Variants in UBXN7 observed in about 807,000 individuals in gnomAD.
UBXN7 encodes the protein UBX domain-containing protein 7.
In UBXN7, 9 loss-of-function variants were observed where a neutral mutation model predicts 58.0. That is an observed-to-expected ratio of 0.16 (90% CI 0.09 to 0.27). The LOEUF (loss-of-function observed/expected upper bound fraction) is 0.27, where lower values mean the gene tolerates loss of function less well. UBXN7 is among the 10% of genes least tolerant of loss of function. UBXN7 has a pLI of 1.00. For synonymous variants in UBXN7, 208 were observed against 205.0 expected (o/e 1.01, Z -0.12); for missense variants, 328 against 599.6 (o/e 0.55, Z 4.73).
chr3:196,365,124 C>G (rs555565485), intron 8 of UBXN7, among the ~76,000 whole-genome samples: 40 of 151,764 alleles, frequency 2.6e-4, no homozygotes, highest in African/African-American at 8.7e-4. Context: ...ATTCATTTTA[C>G]TAATTTCTCT....
intron 5 of UBXN7, among the ~76,000 whole-genome samples, chr3:196,374,385 T>G (rs1183877688): frequency 5.9e-5 from 9 of 152,152 alleles, no homozygotes; most frequent in Admixed American, 6.6e-5. Flanking sequence ...CAGTTATAGA[T>G]ATTAAAGTAA....
At chr3:196,382,238 G>A (rs1260970839) in intron 5 of UBXN7, among the ~76,000 whole-genome samples, 1 of 152,182 alleles carries the variant, frequency 6.6e-6, no homozygotes, top group Non-Finnish European at 1.5e-5. Context: ...GGCAGCCAGA[G>A]AGAAAGGTCA....
chr3:196,413,105 C>T lies in UBXN7; in HGVS notation c.74-5712G>A, dbSNP rs376291749. On this transcript the variant is annotated intron_variant, in intron 1 of 10. Coordinates refer to ENST00000296328, the MANE Select transcript of UBXN7 (RefSeq NM_015562.2). The stretch of plus-strand genomic sequence containing the variant: ...GGCTGTAATTCAGCACTTTGGGAGG[C>T]CGACGTGGGCGGATCACTTGAGGTC... Among the ~76,000 whole-genome samples, 43 of 152,178 alleles carry T rather than the reference C, an allele frequency of 2.8e-4. 1 individual carries two copies. The South Asian group carries it at 8.7e-3, about 31-fold the overall frequency.
rs1728513435 is a variant in UBXN7, at chr3:196,361,852, T to C, written c.1300A>G (p.Lys434Glu). The C allele has an allele frequency of 6.2e-7, 1 of 1,613,782 alleles. No individual in the cohort carries two copies. ...REQITLPEQAKLLALVKHVQS... is the reference protein window; with the variant it reads ...REQITLPEQAELLALVKHVQS... ...AGCAAGCCTGTACTTACTAGCAGTTTAGCTTGCTCTGGAAGAGTGATCTGT... is the reference window on the plus strand; with the variant it reads ...AGCAAGCCTGTACTTACTAGCAGTTCAGCTTGCTCTGGAAGAGTGATCTGT... The change falls in exon 10 of 11, where the codon AAA becomes GAA. Residue 434 changes from lysine to glutamate, a missense_variant. Around this residue, in one of 4 missense-constraint regions of UBXN7, gnomAD observed 30 missense variants for 94.8 expected, o/e 0.32. Transcript: ENST00000296328.
intron 10 of UBXN7, among the ~76,000 whole-genome samples, chr3:196,360,219 G>A (rs560567426): frequency 6.6e-6 from 1 of 152,220 alleles, no homozygotes; most frequent in African/African-American, 2.4e-5. Context: ...TCTAGAAGAT[G>A]TAGTGAAGAC....
At chr3:196,399,861 T>C (rs367910790) in intron 3 of UBXN7, 5 of 151,702 alleles carry the variant, frequency 3.3e-5, no homozygotes, top group African/African-American at 1.2e-4. Context: ...TGACTCATCA[T>C]TGTTTCTGAA....
chr3:196,415,256 T>C (rs1161809447), intron 1 of UBXN7, among the ~76,000 whole-genome samples: 5 of 150,580 alleles, frequency 3.3e-5, no homozygotes, highest in African/African-American at 4.9e-5. Context: ...TGGGTTCAAG[T>C]GATTCTCCCG....
At chr3:196,397,939 T>C (rs1166493497) in intron 3 of UBXN7, among the ~76,000 whole-genome samples, 1 of 152,236 alleles carries the variant, frequency 6.6e-6, no homozygotes, top group Non-Finnish European at 1.5e-5. Context: ...CACTGTACTA[T>C]GTGGTAGGCA....
chr3:196,389,338 C>T (rs898362939), intron 5 of UBXN7, among the ~76,000 whole-genome samples: 1 of 152,210 alleles, frequency 6.6e-6, no homozygotes, highest in Non-Finnish European at 1.5e-5. Context: ...GCAATAATTT[C>T]TTCAACTCTA....
intron 7 of UBXN7, among the ~76,000 whole-genome samples, chr3:196,368,464 G>T (rs1728729643): frequency 1.3e-5 from 2 of 152,088 alleles, no homozygotes; most frequent in Non-Finnish European, 2.9e-5. Context: ...TAAAAACCAG[G>T]ATCTGTAAAT....
chr3:196,421,744 T>C (rs956989616), intron 1 of UBXN7, among the ~76,000 whole-genome samples: 4 of 150,408 alleles, frequency 2.7e-5, no homozygotes, highest in Non-Finnish European at 5.9e-5. Context: ...ACCACTGCAC[T>C]CCACCCTGGC....
intron 6 of UBXN7, 79 bp downstream of exon 6, chr3:196,371,817 T>A: frequency 1.3e-6 from 2 of 1,525,054 alleles, no homozygotes; most frequent in African/African-American, 1.4e-5. Context: ...TAATTCATTA[T>A]AACCCAATTC....
At chr3:196,398,598 A>T (rs1277173117) in intron 3 of UBXN7, among the ~76,000 whole-genome samples, 1 of 152,184 alleles carries the variant, frequency 6.6e-6, no homozygotes, top group Non-Finnish European at 1.5e-5. Context: ...GGGTACAAAA[A>T]ATTTTCTAAA....
rs1331307608 is a variant in UBXN7 at position 196,421,716 on chromosome 3, G to T, written c.73+10611C>A. On this transcript the variant is annotated intron_variant, in intron 1 of 10. Transcript: ENST00000296328. ...AGCTTGAAACTGGGAGGTGGAGGTT[G>T]CAGTGAGCCAAGATCGCACCACTGC... Among the ~76,000 whole-genome samples the T allele has an allele frequency of 2.6e-5, 4 of 151,804 alleles. No homozygotes were observed. The East Asian group carries it at 7.8e-4, about 29-fold the overall frequency.
chr3:196,404,265 T>G (rs2108853465), intron 2 of UBXN7, among the ~76,000 whole-genome samples: 1 of 148,838 alleles, frequency 6.7e-6, no homozygotes, highest in East Asian at 2.0e-4. Context: ...CTAATGGTTT[T>G]TTTTTTTTTT....
At chr3:196,418,652 T>C (rs1422093275) in intron 1 of UBXN7, among the ~76,000 whole-genome samples, 1 of 152,160 alleles carries the variant, frequency 6.6e-6, no homozygotes, top group African/African-American at 2.4e-5. Flanking sequence ...TGAGAGGTGA[T>C]AGGGAGGCAG....
In UBXN7 at chr3:196,349,955, C is replaced by T. The variant is rs1336804735; in HGVS notation, c.*6730G>A. 2 of 152,142 alleles carry T rather than the reference C, an allele frequency of 1.3e-5. No individual in the cohort carries two copies. Among genetic ancestry groups the T allele is most frequent in the Non-Finnish European group, 2.9e-5 (2 of 68,012 alleles). 9.4% of individuals were successfully genotyped at this position (152,142 alleles called of 1,614,324 possible). ...TGACCTTTAGAAGGGATATAAAATACCCAGAGTATTGTGATCTCTAGAGAG... is the reference window on the plus strand; with the variant it reads ...TGACCTTTAGAAGGGATATAAAATATCCAGAGTATTGTGATCTCTAGAGAG... On this transcript the variant is annotated 3_prime_UTR_variant, in exon 11 of 11. Coordinates refer to ENST00000296328, the MANE Select transcript of UBXN7 (RefSeq NM_015562.2).
intron 3 of UBXN7, among the ~76,000 whole-genome samples, chr3:196,399,070 A>G (rs1729873834): frequency 6.6e-6 from 1 of 152,220 alleles, no homozygotes; most frequent in Non-Finnish European, 1.5e-5. Context: ...CGATTTTTCA[A>G]GTAAAAAGAA....
intron 1 of UBXN7, among the ~76,000 whole-genome samples, chr3:196,429,823 C>G (rs1224515694): frequency 6.6e-6 from 1 of 152,010 alleles, no homozygotes; most frequent in Non-Finnish European, 1.5e-5. Flanking sequence ...TATTTTCGCT[C>G]TGTAGATCTC....
Sources: allele counts gnomAD v4.1 joint callset (sites outside exome capture counted in the v4.1 genomes callset), GRCh38; gene constraint gnomAD v4.1.1; regional missense constraint gnomAD v4.1.1; transcripts MANE v1.5; gene names NCBI Gene and HGNC (gene_info 2026-07-23, HGNC 2026-07-21).